The following LEPR variants were observed in gnomAD, a reference collection of about 807,000 sequenced individuals.
LEPR encodes the protein leptin receptor.
In LEPR, 56 loss-of-function variants were observed where a neutral mutation model predicts 114.7. The observed-to-expected ratio is 0.49, with a 90% CI of 0.39 to 0.61. The LOEUF (loss-of-function observed/expected upper bound fraction) is 0.61. Ranked by LOEUF, LEPR falls within the 20% of genes least tolerant of loss-of-function variation. LEPR has a pLI of 0.00. For missense variants in LEPR, 1,202 were observed against 1,352.9 expected (o/e 0.89, Z 1.75); for synonymous variants, 443 against 461.4 (o/e 0.96, Z 0.51).
chr1:65,591,087 G>T (rs1398082262), intron 5 of LEPR, among the ~76,000 whole-genome samples: 2 of 151,312 alleles, frequency 1.3e-5, no homozygotes, highest in African/African-American at 4.9e-5. Context: ...AATTTTTTTT[G>T]ATATGTTTTT....
chr1:65,565,868 C>CAG (rs1653713874), intron 3 of LEPR, among the ~76,000 whole-genome samples: 2 of 147,108 alleles, frequency 1.4e-5, no homozygotes, highest in African/African-American at 5.0e-5. Flanking sequence ...CACACAGACT[C>CAG]ACACACACAG....
chr1:65,432,918 A>G (rs1646506537), intron 2 of LEPR: 1 of 944,208 alleles, frequency 1.1e-6, no homozygotes, highest in Non-Finnish European at 1.3e-6. Context: ...ATAAAAATAT[A>G]CAATAATTTG....
intron 5 of LEPR, among the ~76,000 whole-genome samples, chr1:65,586,791 G>T (rs1655346610): frequency 6.6e-6 from 1 of 151,880 alleles, no homozygotes; most frequent in Non-Finnish European, 1.5e-5. Context: ...TTAGCTGTTG[G>T]CATGGTTACA....
chr1:65,523,387 T>G (rs913239666), intron 2 of LEPR, among the ~76,000 whole-genome samples: 3 of 151,570 alleles, frequency 2.0e-5, no homozygotes, highest in Non-Finnish European at 4.4e-5. Flanking sequence ...CTCGGTTCAA[T>G]GCAACCTCTG....
At chr1:65,453,118 T>C (rs1646812036) in intron 2 of LEPR, among the ~76,000 whole-genome samples, 1 of 152,260 alleles carries the variant, frequency 6.6e-6, no homozygotes. Context: ...GTGGGATTGG[T>C]GGTGATATCC....
chr1:65,427,630 C>T (rs1646405519), intron 2 of LEPR, among the ~76,000 whole-genome samples: 1 of 152,160 alleles, frequency 6.6e-6, no homozygotes, highest in African/African-American at 2.4e-5. Flanking sequence ...ACGCCCTTGA[C>T]CAAACGTTTT....
At chr1:65,554,345 G>A (rs1291355008) in intron 2 of LEPR, among the ~76,000 whole-genome samples, 1 of 152,162 alleles carries the variant, frequency 6.6e-6, no homozygotes, top group Non-Finnish European at 1.5e-5. Flanking sequence ...TGTGTCCCAG[G>A]GAGATGGGAG....
At chr1:65,506,914 G>A (rs1435047767) in intron 2 of LEPR, among the ~76,000 whole-genome samples, 1 of 152,102 alleles carries the variant, frequency 6.6e-6, no homozygotes. Context: ...CGTATCAGCT[G>A]AACAATATCT....
intron 2 of LEPR, among the ~76,000 whole-genome samples, chr1:65,564,577 G>C (rs1476878410): frequency 3.3e-5 from 3 of 91,522 alleles, no homozygotes; most frequent in Admixed American, 2.7e-4. Flanking sequence ...TGGCTCCTCC[G>C]TGAATCCGTT....
At chr1:65,596,046 T>C (rs1298646824) in intron 6 of LEPR, among the ~76,000 whole-genome samples, 1 of 152,110 alleles carries the variant, frequency 6.6e-6, no homozygotes, top group African/African-American at 2.4e-5. Flanking sequence ...TTCCAAATAG[T>C]GTTCTGCAAA....
intron 2 of LEPR, among the ~76,000 whole-genome samples, chr1:65,493,045 C>T (rs1647962410): frequency 6.6e-6 from 1 of 151,942 alleles, no homozygotes; most frequent in Non-Finnish European, 1.5e-5. Flanking sequence ...CTCCTCCTTC[C>T]ATCCTGGAAA....
In LEPR at chr1:65,488,141, C is replaced by CTCCTTCCTTCCTTCCT. The variant is rs1263169006; in HGVS notation, c.-21+62769_-21+62784dup. ...TCTTTCTTTCTTTCCCTCCCTCCCTCTCCTTCCTTCCTTCCTTCCTTTCTT... is the reference window on the plus strand; with the variant it reads ...TCTTTCTTTCTTTCCCTCCCTCCCTCTCCTTCCTTCCTTCCTTCCTTCCTTCCTTCCTTCCTTTCTT... On this transcript the variant is annotated intron_variant, in intron 2 of 19. Coordinates refer to ENST00000349533, the MANE Select transcript of LEPR (RefSeq NM_002303.6). Among the ~76,000 whole-genome samples, 78 of 97,436 alleles carry CTCCTTCCTTCCTTCCT rather than the reference C, an allele frequency of 8.0e-4. 3 individuals carry two copies. The highest frequency in any genetic ancestry group is 3.9e-3 in the African/African-American group (63 of 16,220). The allele number at this position is 97,436 out of a possible 152,430, so 63.9% of individuals were successfully genotyped here.
chr1:65,614,358 A>G (rs1294709168), intron 14 of LEPR, among the ~76,000 whole-genome samples: 1 of 152,214 alleles, frequency 6.6e-6, no homozygotes, highest in East Asian at 1.9e-4. Flanking sequence ...GGATCCCAGG[A>G]TTGACTGTAA....
chr1:65,460,116 C>T (rs1434610846), intron 2 of LEPR, among the ~76,000 whole-genome samples: 23 of 151,480 alleles, frequency 1.5e-4, no homozygotes, highest in Admixed American at 1.5e-3. Context: ...AAGAGCCAGA[C>T]CATAATCTAT....
intron 19 of LEPR, chr1:65,630,377 C>G (rs895821438): frequency 6.6e-6 from 1 of 152,170 alleles, no homozygotes; most frequent in Non-Finnish European, 1.4e-5. Context: ...CCTGCCAAAT[C>G]CCCCTCTGTG....
At chr1:65,456,022 T>A (rs928600636) in intron 2 of LEPR, among the ~76,000 whole-genome samples, 1 of 152,160 alleles carries the variant, frequency 6.6e-6, no homozygotes, top group African/African-American at 2.4e-5. Flanking sequence ...AGCACAGTAT[T>A]CGGGTGGGAG....
At chr1:65,497,242 C>T (rs1385020529) in intron 2 of LEPR, among the ~76,000 whole-genome samples, 1 of 152,062 alleles carries the variant, frequency 6.6e-6, no homozygotes, top group Non-Finnish European at 1.5e-5. Context: ...AAAGAGAGGA[C>T]TAAGTTTGAA....
At chr1:65,518,911 T>TTCTTTCTTTCTTTCTC (rs1553160637) in intron 2 of LEPR, among the ~76,000 whole-genome samples, 3 of 85,228 alleles carry the variant, frequency 3.5e-5, no homozygotes, top group African/African-American at 1.1e-4. Flanking sequence ...CTTTCTTTCT[T>TTCTTTCTTTCTTTCTC]TCTTTCTCTC....
Position 65,638,208 on chromosome 1 carries a change from A to T in LEPR, c.*1193A>T, listed in dbSNP as rs184179899. 9 of 152,300 alleles carry T rather than the reference A, an allele frequency of 5.9e-5. No individual in the cohort carries two copies. The highest frequency in any genetic ancestry group is 1.2e-4 in the Non-Finnish European group (8 of 68,028). The allele number at this position is 152,300 out of a possible 1,614,324, so 9.4% of individuals were successfully genotyped here. A position where few individuals can be genotyped will look rare whatever the true frequency, so the allele number is the denominator to read the frequency against. On this transcript the variant is annotated 3_prime_UTR_variant, in exon 20 of 20. Transcript: ENST00000349533. ...CTACAAAAAACACAAAAATTAGCTGAGTGTGACAGAAAAAATAAAGATTAT... is the reference window on the plus strand; with the variant it reads ...CTACAAAAAACACAAAAATTAGCTGTGTGTGACAGAAAAAATAAAGATTAT...
Sources: gnomAD v4.1 joint callset for allele counts (sites outside exome capture counted in the v4.1 genomes callset) on GRCh38, gnomAD v4.1.1 for gene constraint, MANE v1.5 for transcripts, NCBI Gene and HGNC (gene_info 2026-07-23, HGNC 2026-07-21) for gene names.